Variants in SAMTOR observed in about 807,000 individuals in gnomAD.
The protein encoded by SAMTOR is UPF0532 protein C7orf60.
the SAMTOR span, chr7:112,822,293 CA>C: frequency 6.2e-7 from 1 of 1,612,324 alleles, no homozygotes; most frequent in Non-Finnish European, 8.5e-7. Flanking sequence ...TCAGCTGCTT[CA>C]AAAAAGCATC....
At chr7:112,935,959 T>C in the SAMTOR span, among the ~76,000 whole-genome samples, 1 of 152,172 alleles carries the variant, frequency 6.6e-6, no homozygotes, top group African/African-American at 2.4e-5. Context: ...TGATACATAT[T>C]TGTCAGGCTC....
At chr7:112,931,799 T>C in the SAMTOR span, among the ~76,000 whole-genome samples, 132 of 152,328 alleles carry the variant, frequency 8.7e-4, no homozygotes, top group African/African-American at 3.0e-3. Flanking sequence ...CAGTATAGTT[T>C]AGTGGTTGTC....
chr7:112,913,121 C>T, the SAMTOR span, among the ~76,000 whole-genome samples: 1 of 152,150 alleles, frequency 6.6e-6, no homozygotes, highest in African/African-American at 2.4e-5. Context: ...TTCTGTAAAA[C>T]AGTCAGATTT....
At chr7:112,887,729 T>C in the SAMTOR span, among the ~76,000 whole-genome samples, 5 of 152,202 alleles carry the variant, frequency 3.3e-5, no homozygotes, top group Non-Finnish European at 7.4e-5. Context: ...TATGTAGTCG[T>C]AGAATTGTTC....
chr7:112,855,591 A>G, the SAMTOR span, among the ~76,000 whole-genome samples: 1 of 152,104 alleles, frequency 6.6e-6, no homozygotes, highest in African/African-American at 2.4e-5. Context: ...CAGCTTCTGG[A>G]GGCCACCCAT....
the SAMTOR span, among the ~76,000 whole-genome samples, chr7:112,857,380 C>G: frequency 6.7e-6 from 1 of 148,676 alleles, no homozygotes; most frequent in African/African-American, 2.6e-5. Flanking sequence ...CGTGAGCCAC[C>G]GCGCCCGGCC....
the SAMTOR span, among the ~76,000 whole-genome samples, chr7:112,862,083 C>G: frequency 2.0e-5 from 3 of 152,112 alleles, no homozygotes; most frequent in Non-Finnish European, 4.4e-5. Context: ...TGGTGAAGCC[C>G]TGTCTCTACA....
chr7:112,921,405 T>G, the SAMTOR span, among the ~76,000 whole-genome samples: 1 of 151,352 alleles, frequency 6.6e-6, no homozygotes, highest in Non-Finnish European at 1.5e-5. Flanking sequence ...TGTAGAAAGC[T>G]GAAACTGGAT....
chr7:112,922,815 C>T, the SAMTOR span, among the ~76,000 whole-genome samples: 4 of 151,508 alleles, frequency 2.6e-5, no homozygotes, highest in Non-Finnish European at 2.9e-5. Flanking sequence ...CCAGCCGCCC[C>T]GTCCGGGAGG....
chr7:112,914,027 T>C, the SAMTOR span, among the ~76,000 whole-genome samples: 1 of 152,168 alleles, frequency 6.6e-6, no homozygotes, highest in Non-Finnish European at 1.5e-5. Flanking sequence ...GCCTATAATA[T>C]GACTGGTACA....
At chr7:112,936,012 G>GT in the SAMTOR span, among the ~76,000 whole-genome samples, 1 of 151,966 alleles carries the variant, frequency 6.6e-6, no homozygotes, top group East Asian at 1.9e-4. Flanking sequence ...AGCGAAACTA[G>GT]TTTTTTTAAT....
chr7:112,901,980 T>G, the SAMTOR span, among the ~76,000 whole-genome samples: 1 of 152,040 alleles, frequency 6.6e-6, no homozygotes, highest in African/African-American at 2.4e-5. Flanking sequence ...TATCAAGCCA[T>G]AAAAAGACAC....
At chr7:112,939,769 G>C in the SAMTOR span, 2 of 1,575,950 alleles carry the variant, frequency 1.3e-6, no homozygotes, top group Non-Finnish European at 1.7e-6. Context: ...CGCCGCCGCC[G>C]CCGCCGCCCC....
chr7:112,931,630 C>A, the SAMTOR span, among the ~76,000 whole-genome samples: 3,466 of 152,258 alleles, frequency 0.023, 61 homozygotes, highest in Admixed American at 0.034. Flanking sequence ...CCTTTTGGAA[C>A]TTAATTTTCA....
chr7:112,850,324 C>G, the SAMTOR span, among the ~76,000 whole-genome samples: 1 of 152,164 alleles, frequency 6.6e-6, no homozygotes, highest in Non-Finnish European at 1.5e-5. Context: ...TTAAGGATTT[C>G]TGCGTCTATG....
At chr7:112,833,915 C>G in the SAMTOR span, among the ~76,000 whole-genome samples, 1 of 152,166 alleles carries the variant, frequency 6.6e-6, no homozygotes, top group African/African-American at 2.4e-5. Flanking sequence ...AAACATGACC[C>G]TCCCTGATGA....
At chr7:112,833,566 G>A in the SAMTOR span, among the ~76,000 whole-genome samples, 2 of 152,034 alleles carry the variant, frequency 1.3e-5, no homozygotes, top group Non-Finnish European at 2.9e-5. Flanking sequence ...CCTAGTAAAA[G>A]CAGAATTTGC....
the SAMTOR span, among the ~76,000 whole-genome samples, chr7:112,856,577 G>A: frequency 6.6e-6 from 1 of 152,090 alleles, no homozygotes; most frequent in Admixed American, 6.6e-5. Flanking sequence ...TAGCAGCACT[G>A]ACCTCTGCAT....
the SAMTOR span, among the ~76,000 whole-genome samples, chr7:112,900,971 T>C: frequency 2.6e-5 from 4 of 152,190 alleles, no homozygotes; most frequent in Admixed American, 2.0e-4. Context: ...TAGATGGCAT[T>C]GGGTATGGTG....
Sources: allele counts gnomAD v4.1 joint callset (sites outside exome capture counted in the v4.1 genomes callset), GRCh38; gene constraint gnomAD v4.1.1; transcripts MANE v1.5; gene names NCBI Gene and HGNC (gene_info 2026-07-23, HGNC 2026-07-21).